Variants in UBE2R2 observed in about 807,000 individuals in gnomAD.
UBE2R2 encodes the protein ubiquitin conjugating enzyme E2 R2, also known as ubiquitin-conjugating enzyme E2 R2.
UBE2R2 carries 1 observed loss-of-function variant against 27.8 expected under a neutral mutation model. The observed-to-expected ratio is 0.04, with a 90% CI of 0.01 to 0.17. The LOEUF is 0.17. UBE2R2 is among the 10% of genes least tolerant of loss of function. The pLI, the probability that UBE2R2 is intolerant of heterozygous loss-of-function variation, is 1.00. For missense variants in UBE2R2, 100 were observed against 291.0 expected (o/e 0.34, Z 4.78); for synonymous variants, 106 against 113.3 (o/e 0.94, Z 0.41).
chr9:33,855,197 A>T (rs571482771), intron 1 of UBE2R2, among the ~76,000 whole-genome samples: 1 of 151,912 alleles, frequency 6.6e-6, no homozygotes, highest in South Asian at 2.1e-4. Context: ...CCCTCATGGC[A>T]TTTTTTTGTC....
chr9:33,838,243 A>AT (rs749883826), intron 1 of UBE2R2, among the ~76,000 whole-genome samples: 174 of 123,684 alleles, frequency 1.4e-3, no homozygotes, highest in Non-Finnish European at 1.9e-3. Context: ...AGTTTGTATT[A>AT]TTTTTTATTG....
chr9:33,861,261 A>G (rs1374306316), intron 1 of UBE2R2, among the ~76,000 whole-genome samples: 1 of 148,496 alleles, frequency 6.7e-6, no homozygotes, highest in South Asian at 2.3e-4. Context: ...CGCCTGGCCA[A>G]CCTTGTGTTA....
chr9:33,859,760 T>TG (rs1050536157), intron 1 of UBE2R2, among the ~76,000 whole-genome samples: 10 of 130,614 alleles, frequency 7.7e-5, no homozygotes, highest in Non-Finnish European at 1.4e-4. Flanking sequence ...TCTAAGCCTT[T>TG]TGTGTGTGTG....
chr9:33,852,812 A>T (rs577454151), intron 1 of UBE2R2, among the ~76,000 whole-genome samples: 1 of 152,190 alleles, frequency 6.6e-6, no homozygotes, highest in Non-Finnish European at 1.5e-5. Context: ...GTTCAAGACC[A>T]GTCTGGCCAA....
intron 1 of UBE2R2, among the ~76,000 whole-genome samples, chr9:33,831,333 T>C (rs1820474167): frequency 6.6e-6 from 1 of 152,198 alleles, no homozygotes; most frequent in African/African-American, 2.4e-5. Context: ...TAAGTTTACT[T>C]GTAATCATAC....
intron 1 of UBE2R2, among the ~76,000 whole-genome samples, chr9:33,874,491 A>C (rs1821560796): frequency 6.6e-6 from 1 of 152,190 alleles, no homozygotes; most frequent in Non-Finnish European, 1.5e-5. Context: ...ATGGTTAGGA[A>C]TGTGTCTTTT....
intron 1 of UBE2R2, among the ~76,000 whole-genome samples, chr9:33,873,365 C>G (rs951851328): frequency 1.3e-5 from 2 of 151,882 alleles, no homozygotes; most frequent in Non-Finnish European, 1.5e-5. Flanking sequence ...ACTGTGACTT[C>G]TAGATATAAT....
chr9:33,848,559 A>G (rs1482693208), intron 1 of UBE2R2, among the ~76,000 whole-genome samples: 1 of 152,138 alleles, frequency 6.6e-6, no homozygotes, highest in Non-Finnish European at 1.5e-5. Flanking sequence ...AGACTACAGA[A>G]GATTGAATTC....
At chr9:33,891,480 T>A (rs935345701) in intron 2 of UBE2R2, among the ~76,000 whole-genome samples, 1 of 151,972 alleles carries the variant, frequency 6.6e-6, no homozygotes, top group Non-Finnish European at 1.5e-5. Flanking sequence ...ATCCCACCTC[T>A]ACTAAAAATA....
chr9:33,872,541 C>T, intron 1 of UBE2R2, among the ~76,000 whole-genome samples: 1 of 152,170 alleles, frequency 6.6e-6, no homozygotes, highest in East Asian at 1.9e-4. Flanking sequence ...AATCCCGGCA[C>T]TTTGGGAGGC....
intron 1 of UBE2R2, among the ~76,000 whole-genome samples, chr9:33,837,962 A>C (rs750550675): frequency 3.1e-4 from 47 of 152,296 alleles, no homozygotes; most frequent in Admixed American, 6.5e-4. Context: ...CTTATATAGA[A>C]GTATACATAG....
chr9:33,821,859 T>C (rs1825986860), intron 1 of UBE2R2, among the ~76,000 whole-genome samples: 1 of 152,102 alleles, frequency 6.6e-6, no homozygotes, highest in Admixed American at 6.6e-5. Context: ...CCTTAAGTGA[T>C]CTGCCCATCT....
At chr9:33,821,876 C>T (rs1288972095) in intron 1 of UBE2R2, among the ~76,000 whole-genome samples, 1 of 152,080 alleles carries the variant, frequency 6.6e-6, no homozygotes, top group Non-Finnish European at 1.5e-5. Context: ...ATCTCAGCCT[C>T]CCAAAATGTA....
intron 1 of UBE2R2, among the ~76,000 whole-genome samples, chr9:33,834,134 T>C (rs1820558127): frequency 6.6e-6 from 1 of 152,156 alleles, no homozygotes; most frequent in East Asian, 1.9e-4. Flanking sequence ...GTAGTTACTT[T>C]AGACAATTCC....
Position 33,917,202 on chromosome 9 carries a change from T to TATG in UBE2R2, c.694_696dup (p.Asp232dup), listed in dbSNP as rs764184049. 1 of 1,614,152 alleles carries TATG rather than the reference T, an allele frequency of 6.2e-7. No homozygotes were observed. The highest frequency in any genetic ancestry group is 8.5e-7 in the Non-Finnish European group (1 of 1,180,024). The stretch of plus-strand genomic sequence containing the variant: ...TGAGGAGGAGGAAGATGCCGACTGT[T>TATG]ATGATGATGATGATTCTGGGAATGA... On this transcript the variant is annotated inframe_insertion, in exon 5 of 5. Transcript: ENST00000263228.
At chr9:33,853,288 C>CTAT (rs771252468) in intron 1 of UBE2R2, among the ~76,000 whole-genome samples, 2 of 115,362 alleles carry the variant, frequency 1.7e-5, no homozygotes, top group African/African-American at 6.7e-5. Context: ...TTTTCTCTCT[C>CTAT]TTTTTTTTTT....
intron 1 of UBE2R2, among the ~76,000 whole-genome samples, chr9:33,826,724 A>G (rs1408954454): frequency 6.6e-6 from 1 of 152,002 alleles, no homozygotes; most frequent in Non-Finnish European, 1.5e-5. Context: ...AAAAAAAAGA[A>G]AAGTGAATAG....
intron 1 of UBE2R2, among the ~76,000 whole-genome samples, chr9:33,885,887 G>T (rs1026712303): frequency 1.3e-5 from 2 of 152,144 alleles, no homozygotes; most frequent in African/African-American, 4.8e-5. Flanking sequence ...TGCAAAGGAC[G>T]TTCACTGCAG....
At chr9:33,822,905 A>AT (rs1469223696) in intron 1 of UBE2R2, among the ~76,000 whole-genome samples, 1 of 120,542 alleles carries the variant, frequency 8.3e-6, no homozygotes, top group Non-Finnish European at 1.8e-5. Context: ...TCTTCTTATT[A>AT]ATTTTTTTTT....
Sources: allele counts gnomAD v4.1 joint callset (sites outside exome capture counted in the v4.1 genomes callset), GRCh38; gene constraint gnomAD v4.1.1; transcripts MANE v1.5; gene names NCBI Gene and HGNC (gene_info 2026-07-23, HGNC 2026-07-21).